The following ZBTB7C variants were observed in gnomAD, a reference collection of about 807,000 sequenced individuals.
ZBTB7C encodes the protein zinc finger and BTB domain containing 7C, also known as zinc finger and BTB domain-containing protein 7C.
A neutral mutation model predicts 25.7 loss-of-function variants in ZBTB7C; 8 were observed. That is an observed-to-expected ratio of 0.31 (90% CI 0.18 to 0.56). The LOEUF (loss-of-function observed/expected upper bound fraction) is 0.56. Among genes scored for constraint, ZBTB7C ranks in the 20% least tolerant of loss-of-function variants. ZBTB7C has a pLI of 0.91. For missense variants in ZBTB7C, 824 were observed against 855.2 expected (o/e 0.96, Z 0.46); for synonymous variants, 394 against 369.0 (o/e 1.07, Z -0.78).
chr18:48,190,694 T>A (rs2042172843), intron 2 of ZBTB7C, among the ~76,000 whole-genome samples: 1 of 152,140 alleles, frequency 6.6e-6, no homozygotes, highest in African/African-American at 2.4e-5. Context: ...GACTGTGGGC[T>A]TCAGTGCATG....
intron 1 of ZBTB7C, among the ~76,000 whole-genome samples, chr18:48,389,216 CTCTCTCTCTCTCTCTCTCTCGTGTGTGT>C (rs2047824599): frequency 2.4e-5 from 3 of 126,796 alleles, no homozygotes; most frequent in African/African-American, 9.3e-5. Flanking sequence ...CTCTCTCTCT[CTCTCTCTCTCTCTCTCTCTCGTGTGTGT>C]GTGTGTGTGT....
chr18:48,317,211 T>G (rs930401952), intron 2 of ZBTB7C, among the ~76,000 whole-genome samples: 1 of 140,024 alleles, frequency 7.1e-6, no homozygotes, highest in Non-Finnish European at 1.5e-5. Flanking sequence ...AAGCTGAGAT[T>G]GCGCCACTGC....
chr18:48,412,513 C>T (rs150438839), upstream of ZBTB7C, among the ~76,000 whole-genome samples: 356 of 152,254 alleles, frequency 2.3e-3, 6 homozygotes, highest in South Asian at 0.016. Flanking sequence ...GATCCAGGTT[C>T]GTGAGTTCAG....
intron 2 of ZBTB7C, among the ~76,000 whole-genome samples, chr18:48,266,261 C>T (rs924332895): frequency 1.3e-5 from 2 of 152,166 alleles, no homozygotes; most frequent in East Asian, 3.9e-4. Flanking sequence ...CATGCTCTTC[C>T]CACTGACTCC....
At chr18:48,115,082 C>T (rs1274028962) in intron 3 of ZBTB7C, among the ~76,000 whole-genome samples, 1 of 152,168 alleles carries the variant, frequency 6.6e-6, no homozygotes, top group Non-Finnish European at 1.5e-5. Context: ...CCCCATTTCC[C>T]TTTCCATCCA....
chr18:48,361,781 GAGAGGA>G (rs2047112018), intron 1 of ZBTB7C, among the ~76,000 whole-genome samples: 1 of 152,256 alleles, frequency 6.6e-6, no homozygotes, highest in Non-Finnish European at 1.5e-5. Flanking sequence ...CGGCTGCTCA[GAGAGGA>G]CTCAGAAGCC....
intron 3 of ZBTB7C, among the ~76,000 whole-genome samples, chr18:48,111,702 T>A (rs1247139210): frequency 6.6e-6 from 1 of 152,194 alleles, no homozygotes; most frequent in Non-Finnish European, 1.5e-5. Flanking sequence ...GGTTTTCGTG[T>A]GGACGGGTGT....
intron 2 of ZBTB7C, among the ~76,000 whole-genome samples, chr18:48,323,501 G>T (rs543811749): frequency 6.6e-6 from 1 of 152,334 alleles, no homozygotes; most frequent in African/African-American, 2.4e-5. Flanking sequence ...ACCCATGTGG[G>T]TCTTATCCAC....
Position 48,079,369 on chromosome 18 carries a change from T to G in ZBTB7C, c.-16-38246A>C, listed in dbSNP as rs537527289. 2.0e-5 allele frequency among the ~76,000 whole-genome samples: 3 copies of G among 152,346 alleles called. No individual in the cohort carries two copies. The East Asian group carries it at 5.8e-4, about 29-fold the overall frequency. On this transcript the variant is annotated intron_variant, in intron 3 of 4. Coordinates refer to ENST00000590800, the MANE Select transcript of ZBTB7C (RefSeq NM_001318841.2). ...TGTTGAATAAGTGAAATAAAACATT[T>G]GTGCCCAATTTTTTAAAGTGTTACC...
chr18:48,277,674 G>T (rs1372923682), intron 2 of ZBTB7C, among the ~76,000 whole-genome samples: 1 of 152,198 alleles, frequency 6.6e-6, no homozygotes, highest in African/African-American at 2.4e-5. Context: ...TGTGGGAAAC[G>T]GGCACTTGGG....
At chr18:48,045,182 G>A (rs2036419809) in intron 3 of ZBTB7C, among the ~76,000 whole-genome samples, 1 of 152,252 alleles carries the variant, frequency 6.6e-6, no homozygotes. Flanking sequence ...GCAAGGGCCG[G>A]CAGGGCAGAC....
intron 3 of ZBTB7C, among the ~76,000 whole-genome samples, chr18:48,135,250 TTGAATAA>T (rs2040112289): frequency 6.6e-6 from 1 of 152,132 alleles, no homozygotes; most frequent in African/African-American, 2.4e-5. Context: ...TACAATAGCG[TTGAATAA>T]ATGACTGATT....
intron 1 of ZBTB7C, among the ~76,000 whole-genome samples, chr18:48,342,744 G>A (rs988535411): frequency 1.3e-5 from 2 of 152,242 alleles, no homozygotes; most frequent in African/African-American, 4.8e-5. Flanking sequence ...ACGGCTGGCA[G>A]AAAAATTAAG....
intron 3 of ZBTB7C, among the ~76,000 whole-genome samples, chr18:48,140,742 C>T (rs2040314858): frequency 6.6e-6 from 1 of 152,164 alleles, no homozygotes; most frequent in Admixed American, 6.5e-5. Context: ...ATGAGTGATA[C>T]TCAAGCCAGA....
intron 2 of ZBTB7C, among the ~76,000 whole-genome samples, chr18:48,275,097 A>C (rs2044607128): frequency 6.6e-6 from 1 of 152,248 alleles, no homozygotes; most frequent in African/African-American, 2.4e-5. Flanking sequence ...TGAGCAAAAC[A>C]ACCACTTAAT....
At chr18:48,159,069 G>C (rs976702501) in intron 3 of ZBTB7C, among the ~76,000 whole-genome samples, 8 of 151,722 alleles carry the variant, frequency 5.3e-5, no homozygotes, top group African/African-American at 1.7e-4. Flanking sequence ...GATGCAGAGA[G>C]TCAAGTCCAC....
intron 2 of ZBTB7C, among the ~76,000 whole-genome samples, chr18:48,318,119 T>C (rs1053629417): frequency 2.6e-5 from 4 of 152,074 alleles, no homozygotes; most frequent in African/African-American, 9.7e-5. Context: ...TGAGGTGGAC[T>C]TGTGACCCAT....
At chr18:48,297,513 A>C (rs1335123710) in intron 2 of ZBTB7C, among the ~76,000 whole-genome samples, 1 of 152,062 alleles carries the variant, frequency 6.6e-6, no homozygotes, top group East Asian at 1.9e-4. Context: ...TTCCACCCAA[A>C]GGGAAGCAGT....
In ZBTB7C at chr18:48,166,836, T is replaced by C. The variant is rs576750763; in HGVS notation, c.-17+19098A>G. On this transcript the variant is annotated intron_variant, in intron 3 of 4. Coordinates refer to ENST00000590800, the MANE Select transcript of ZBTB7C (RefSeq NM_001318841.2). ...GCTGCTGTCCACACTGGAACAAGCC[T>C]CTGGCACCTATTGGGCACCTCCTAA... Among the ~76,000 whole-genome samples the C allele has an allele frequency of 2.6e-5, 4 of 152,284 alleles. No individual in the cohort carries two copies. The East Asian group carries it at 7.7e-4, about 29-fold the overall frequency.
Sources: gnomAD v4.1 joint callset for allele counts (sites outside exome capture counted in the v4.1 genomes callset) on GRCh38, gnomAD v4.1.1 for gene constraint, MANE v1.5 for transcripts, NCBI Gene and HGNC (gene_info 2026-07-23, HGNC 2026-07-21) for gene names.